Variants in LNPEP observed in about 807,000 individuals in gnomAD.
The protein encoded by LNPEP is leucyl and cystinyl aminopeptidase.
A neutral mutation model predicts 120.6 loss-of-function variants in LNPEP; 64 were observed. That is an observed-to-expected ratio of 0.53 (90% CI 0.43 to 0.65). The LOEUF is 0.65. Ranked by LOEUF, LNPEP falls within the 30% of genes least tolerant of loss-of-function variation. LNPEP has a pLI of 0.00. For missense variants in LNPEP, 1,057 were observed against 1,200.0 expected, an observed-to-expected ratio of 0.88 and a Z score of 1.76; for synonymous variants, 435 against 425.4, an observed-to-expected ratio of 1.02 and a Z score of -0.28.
rs1790775700 is a variant in LNPEP, at chr5:97,006,092, A to G, written c.1805A>G (p.Asp602Gly). ...SFNEVTNQTLDVKRMMKTWTL... is the reference protein window; with the variant it reads ...SFNEVTNQTLGVKRMMKTWTL... Reference sequence around the variant, plus strand: ...TTGTAGGTCACAAACCAAACACTAGATGTAAAGAGAATGATGAAAACCTGG... The same window carrying G: ...TTGTAGGTCACAAACCAAACACTAGGTGTAAAGAGAATGATGAAAACCTGG... The change falls in exon 10 of 18, where the codon GAT becomes GGT. Residue 602 changes from aspartate to glycine, a missense_variant. Asp to Gly is a moderately conservative substitution (Grantham distance 94). Transcript: ENST00000231368. The G allele has an allele frequency of 6.6e-7, 1 of 1,524,076 alleles. No homozygotes were observed. The highest frequency in any genetic ancestry group is 8.9e-7 in the Non-Finnish European group (1 of 1,128,832). 94.4% of individuals were successfully genotyped at this position (1,524,076 alleles called of 1,614,324 possible).
At position 97,033,959 on chromosome 5, in the gene LNPEP, G is replaced by T. The variant is rs1450568734; in HGVS notation, c.*5426G>T. On this transcript the variant is annotated 3_prime_UTR_variant, in exon 18 of 18. Coordinates refer to ENST00000231368, the MANE Select transcript of LNPEP (RefSeq NM_005575.3). Reference sequence around the variant, plus strand: ...TTTTTTAAGTTTTGAGGGGTGGGAGGGGTCTAAGGCAGAATATATCCTTTT... The same window carrying T: ...TTTTTTAAGTTTTGAGGGGTGGGAGTGGTCTAAGGCAGAATATATCCTTTT... 1 of 151,724 alleles carries T rather than the reference G, an allele frequency of 6.6e-6. No individual in the cohort carries two copies. The highest frequency in any genetic ancestry group is 2.4e-5 in the African/African-American group (1 of 41,310). The allele number at this position is 151,724 out of a possible 1,614,324, so 9.4% of individuals were successfully genotyped here. A position where few individuals can be genotyped will look rare whatever the true frequency, so the allele number is the denominator to read the frequency against.
At position 97,029,854 on chromosome 5, in the gene LNPEP, T is replaced by C. The variant is rs1339603881; in HGVS notation, c.*1321T>C. On this transcript the variant is annotated 3_prime_UTR_variant, in exon 18 of 18. Transcript: ENST00000231368. Reference sequence around the variant, plus strand: ...TTTACTCCTTCTGAAAGAGAAATACTGTACTTGAATTTTTGAGCTATGCAG... The same window carrying C: ...TTTACTCCTTCTGAAAGAGAAATACCGTACTTGAATTTTTGAGCTATGCAG... The C allele has an allele frequency of 1.3e-5, 2 of 152,196 alleles. No homozygotes were observed. The highest frequency in any genetic ancestry group is 2.9e-5 in the Non-Finnish European group (2 of 68,016). 9.4% of individuals were successfully genotyped at this position (152,196 alleles called of 1,614,324 possible).
At chr5:96,968,932 A>C (rs747961629) in intron 1 of LNPEP, among the ~76,000 whole-genome samples, 4 of 152,090 alleles carry the variant, frequency 2.6e-5, no homozygotes, top group Non-Finnish European at 5.9e-5. Context: ...GGACCAATTT[A>C]GTTTGTTTAT....
chr5:96,944,095 G>A (rs954491147), intron 1 of LNPEP, among the ~76,000 whole-genome samples: 13 of 152,270 alleles, frequency 8.5e-5, no homozygotes, highest in Middle Eastern at 3.4e-3. Flanking sequence ...AGCATTTCCC[G>A]GACAACTGAC....
At chr5:96,964,112 CT>C (rs576740543) in intron 1 of LNPEP, among the ~76,000 whole-genome samples, 7,052 of 143,710 alleles carry the variant, frequency 0.049, 234 homozygotes, top group Middle Eastern at 0.11. Flanking sequence ...TTGATATCAA[CT>C]TTTTTTTTTT....
intron 1 of LNPEP, among the ~76,000 whole-genome samples, chr5:96,944,404 T>C (rs954318405): frequency 6.6e-6 from 1 of 152,090 alleles, no homozygotes; most frequent in Admixed American, 6.5e-5. Flanking sequence ...CTTGATGTTA[T>C]ACATTTTAGG....
At chr5:96,969,252 G>GT (rs1789802822) in intron 1 of LNPEP, among the ~76,000 whole-genome samples, 2 of 146,438 alleles carry the variant, frequency 1.4e-5, no homozygotes, top group African/African-American at 2.5e-5. Context: ...AAGAATGCTT[G>GT]CTTTTTTTTT....
At chr5:96,940,724 A>G (rs1789030640) in intron 1 of LNPEP, among the ~76,000 whole-genome samples, 2 of 152,218 alleles carry the variant, frequency 1.3e-5, no homozygotes, top group Non-Finnish European at 1.5e-5. Flanking sequence ...GAGATTTGAA[A>G]GAGTTTAGCC....
intron 4 of LNPEP, among the ~76,000 whole-genome samples, chr5:96,989,293 T>TATATATAATATATA: frequency 1.1e-5 from 1 of 92,982 alleles, no homozygotes; most frequent in African/African-American, 4.1e-5. Context: ...ATATATAATT[T>TATATATAATATATA]ATATATAATA....
intron 2 of LNPEP, among the ~76,000 whole-genome samples, chr5:96,980,976 G>GC (rs1790108254): frequency 6.6e-6 from 1 of 151,910 alleles, no homozygotes; most frequent in Non-Finnish European, 1.5e-5. Flanking sequence ...TGGCATACTG[G>GC]CCCTGCATTT....
chr5:96,943,597 C>G (rs112958624), intron 1 of LNPEP, among the ~76,000 whole-genome samples: 38 of 152,316 alleles, frequency 2.5e-4, no homozygotes, highest in African/African-American at 7.2e-4. Flanking sequence ...GGCCAGCCTA[C>G]TATTCTTTAT....
At chr5:97,008,078 T>C (rs565538043) in intron 11 of LNPEP, among the ~76,000 whole-genome samples, 1 of 152,234 alleles carries the variant, frequency 6.6e-6, no homozygotes, top group Admixed American at 6.5e-5. Context: ...TGTCTTTGAG[T>C]AAACAAAACT....
intron 1 of LNPEP, among the ~76,000 whole-genome samples, chr5:96,964,942 G>GT (rs1481029745): frequency 1.3e-5 from 2 of 152,124 alleles, no homozygotes; most frequent in Non-Finnish European, 2.9e-5. Context: ...TGGTGTTGCA[G>GT]TTTTTTGTTG....
rs1791300107 is a variant in LNPEP at position 97,024,799 on chromosome 5, G to A, written c.2723+117G>A. ...TTTCCCCACTTCTGTTACAGGCCAG[G>A]CCTAAGTTGGACAGTGTGGTGAGGA... On this transcript the variant is annotated intron_variant, in intron 15 of 17. Transcript: ENST00000231368. 9.0e-6 allele frequency: 8 copies of A among 884,760 alleles called. No individual in the cohort carries two copies. The East Asian group carries it at 1.8e-4, about 20-fold the overall frequency. The allele number at this position is 884,760 out of a possible 1,614,324, so 54.8% of individuals were successfully genotyped here. A position where few individuals can be genotyped will look rare whatever the true frequency, so the allele number is the denominator to read the frequency against.
chr5:96,962,605 T>C (rs1334658385), intron 1 of LNPEP: 1 of 151,846 alleles, frequency 6.6e-6, no homozygotes, highest in Non-Finnish European at 1.5e-5. Flanking sequence ...GCAGTCTGGT[T>C]CCAGAGATAC....
intron 9 of LNPEP, 86 bp from the exon 10 acceptor site, chr5:97,005,987 T>C (rs928636578): frequency 6.3e-6 from 2 of 317,912 alleles, no homozygotes; most frequent in African/African-American, 4.4e-5. Flanking sequence ...GAGGGAAGGG[T>C]ACAGATAAAT....
intron 2 of LNPEP, 93 bp downstream of exon 2, chr5:96,980,071 T>G (rs1267188056): frequency 4.9e-6 from 6 of 1,232,866 alleles, no homozygotes; most frequent in Non-Finnish European, 6.7e-6. Context: ...GAATTGTGAT[T>G]TTTTTTTTTA....
At chr5:97,013,871 C>G (rs1236662193) in intron 12 of LNPEP, 40 bp downstream of exon 12, 1 of 1,405,092 alleles carries the variant, frequency 7.1e-7, no homozygotes, top group Non-Finnish European at 9.7e-7. Flanking sequence ...TTTTTTTAAA[C>G]AAATGTCATT....
At chr5:96,993,726 T>C in intron 5 of LNPEP, 91 bp from the exon 6 acceptor site, 1 of 1,188,222 alleles carries the variant, frequency 8.4e-7, no homozygotes, top group Non-Finnish European at 1.2e-6. Context: ...AATTCATTGC[T>C]TTCACAGTGA....
Sources: gnomAD v4.1 joint callset for allele counts (sites outside exome capture counted in the v4.1 genomes callset) on GRCh38, gnomAD v4.1.1 for gene constraint, MANE v1.5 for transcripts, NCBI Gene and HGNC (gene_info 2026-07-23, HGNC 2026-07-21) for gene names.